The following DST variants were observed in gnomAD, a reference collection of about 807,000 sequenced individuals.
DST encodes the protein dystonin.
A neutral mutation model predicts 875.2 loss-of-function variants in DST; 253 were observed. The observed-to-expected ratio is 0.29, with a 90% CI of 0.26 to 0.32. DST has a LOEUF of 0.32. Ranked by LOEUF, DST falls within the 10% of genes least tolerant of loss-of-function variation. The pLI is 1.00. For synonymous variants in DST, 3,124 were observed against 3,197.1 expected (o/e 0.98, Z 0.77); for missense variants, 8,287 against 9,111.6 (o/e 0.91, Z 3.68).
At chr6:56,514,814 G>A (rs2096558724) in intron 72 of DST, among the ~76,000 whole-genome samples, 1 of 152,054 alleles carries the variant, frequency 6.6e-6, no homozygotes, top group Non-Finnish European at 1.5e-5. Context: ...CTGAAAAGAG[G>A]GCTTTATGTG....
intron 4 of DST, 194 bp downstream of exon 4, chr6:56,851,202 TA>T: frequency 1.7e-6 from 1 of 590,584 alleles, no homozygotes; most frequent in Non-Finnish European, 3.0e-6. Flanking sequence ...CCAAACAGCT[TA>T]GTCACCAGCA....
chr6:56,550,719 G>A (rs73455772), intron 61 of DST, among the ~76,000 whole-genome samples: 133 of 152,242 alleles, frequency 8.7e-4, no homozygotes, highest in African/African-American at 3.1e-3. Flanking sequence ...AAATCATAAT[G>A]TTTCACAATT....
At chr6:56,933,056 T>G (rs1811142729) in intron 2 of DST, among the ~76,000 whole-genome samples, 4 of 152,046 alleles carry the variant, frequency 2.6e-5, no homozygotes, top group African/African-American at 7.2e-5. Context: ...CCGAACAGCA[T>G]GTAGACCTCA....
chr6:56,591,827 G>A (rs1366384957), intron 49 of DST, among the ~76,000 whole-genome samples: 1 of 151,634 alleles, frequency 6.6e-6, no homozygotes. Context: ...ACAAAAATTA[G>A]CGCCTGTAGT....
chr6:56,721,106 GC>G (rs1164205828), intron 5 of DST, among the ~76,000 whole-genome samples: 2 of 148,178 alleles, frequency 1.3e-5, no homozygotes, highest in Admixed American at 6.7e-5. Flanking sequence ...GGGCGGGGGC[GC>G]CCCCCCACCT....
intron 87 of DST, 117 bp from the exon 88 acceptor site, chr6:56,485,588 G>A: frequency 5.2e-6 from 5 of 954,382 alleles, no homozygotes; most frequent in South Asian, 3.6e-5. Context: ...GCAGTATGTT[G>A]GTATTCATTG....
At chr6:56,636,719 C>T (rs891159869) in intron 22 of DST, 67 bp from the exon 23 acceptor site, 68 of 1,245,526 alleles carry the variant, frequency 5.5e-5, no homozygotes, top group Admixed American at 1.0e-4. Context: ...CTTTTGATAT[C>T]GATGCTTCTA....
At chr6:56,724,254 A>G (rs1421956116) in intron 5 of DST, among the ~76,000 whole-genome samples, 1 of 152,238 alleles carries the variant, frequency 6.6e-6, no homozygotes, top group Admixed American at 6.5e-5. Flanking sequence ...ATTAAAACCC[A>G]TTAACTAGGA....
chr6:56,880,934 G>A (rs1320215119), intron 3 of DST, among the ~76,000 whole-genome samples: 3 of 124,020 alleles, frequency 2.4e-5, no homozygotes, highest in Non-Finnish European at 3.2e-5. Flanking sequence ...TGAAAGCTCC[G>A]CCTCCTGGGT....
chr6:56,508,655 T>C lies in DST; in HGVS notation c.19113A>G (p.Ala6371=). The C allele has an allele frequency of 6.2e-7, 1 of 1,613,916 alleles. No individual in the cohort carries two copies. The highest frequency in any genetic ancestry group is 8.5e-7 in the Non-Finnish European group (1 of 1,179,804). Residue 6371 remains alanine (A), a synonymous_variant, in exon 75 of 104, where the codon GCA becomes GCG. Coordinates refer to ENST00000680361, the MANE Select transcript of DST (RefSeq NM_001374736.1). ...ACATGTGATCACACCAGAACTTTTC[T>C]GCTAGCTCCATCACATCCAGTAGTT... ...EAKLLDVMEL[A]EKFWCDHMSL...
At chr6:56,560,224 A>C (rs2097515054) in intron 58 of DST, 70 bp downstream of exon 58, 7 of 1,362,546 alleles carry the variant, frequency 5.1e-6, no homozygotes, top group Non-Finnish European at 5.8e-6. Context: ...TTTTCTGATA[A>C]AGATCATGAT....
At chr6:56,754,684 A>G (rs930816383) in intron 4 of DST, among the ~76,000 whole-genome samples, 1 of 152,158 alleles carries the variant, frequency 6.6e-6, no homozygotes. Flanking sequence ...AAACAAATCA[A>G]CTCTTAAAAA....
At chr6:56,890,281 T>G (rs558891612) in intron 3 of DST, among the ~76,000 whole-genome samples, 1 of 152,322 alleles carries the variant, frequency 6.6e-6, no homozygotes, top group African/African-American at 2.4e-5. Context: ...GCCCATGTAT[T>G]GTCAATGAGG....
chr6:56,862,328 G>A (rs1204320308), intron 3 of DST, among the ~76,000 whole-genome samples: 5 of 152,108 alleles, frequency 3.3e-5, no homozygotes, highest in Non-Finnish European at 7.4e-5. Context: ...TTTCTTGCTT[G>A]TTGCCACCTT....
In DST at chr6:56,572,952, T is replaced by C. The variant is rs771468508; in HGVS notation, c.13349A>G (p.Lys4450Arg). The C allele has an allele frequency of 3.1e-6, 5 of 1,612,772 alleles. No homozygotes were observed. In the East Asian group the frequency reaches 6.7e-5, roughly 22 times the overall value. Residue 4450 changes from lysine to arginine, a missense_variant, in exon 52 of 104, where the codon AAA becomes AGA. By Grantham distance (26) the Lys-to-Arg change is conservative (BLOSUM62 2). This residue lies in a region of DST where 1,513 missense variants were observed against 1,677.8 expected (regional missense o/e 0.90). Coordinates refer to ENST00000680361, the MANE Select transcript of DST (RefSeq NM_001374736.1). ...DPSTASSLQA[K>R]MKDLSARFSE... ...AAACCGAGCAGACAAGTCTTTCATTTTGGCTTGCAGTGAGGATGCAGTGGA... is the reference window on the plus strand; with the variant it reads ...AAACCGAGCAGACAAGTCTTTCATTCTGGCTTGCAGTGAGGATGCAGTGGA...
At chr6:56,636,269 AACACAC>A (rs10551196) in intron 23 of DST, among the ~76,000 whole-genome samples, 2,416 of 146,602 alleles carry the variant, frequency 0.016, 61 homozygotes, top group African/African-American at 0.057. Flanking sequence ...CACACACACA[AACACAC>A]ACACACACAC....
intron 4 of DST, among the ~76,000 whole-genome samples, chr6:56,820,818 T>A (rs1026349619): frequency 1.2e-4 from 19 of 152,048 alleles, no homozygotes; most frequent in African/African-American, 4.3e-4. Flanking sequence ...AAAAAAAGGA[T>A]GACAAATCTA....
intron 4 of DST, among the ~76,000 whole-genome samples, chr6:56,762,202 A>G (rs1216257501): frequency 2.0e-5 from 3 of 152,088 alleles, no homozygotes; most frequent in African/African-American, 4.8e-5. Flanking sequence ...TTGTATTTTT[A>G]GTAGAAACAG....
intron 89 of DST, chr6:56,482,436 T>G: frequency 1.9e-6 from 1 of 528,486 alleles, no homozygotes. Context: ...CAGTCCATCA[T>G]ACTTCCAAGC....
Sources: gnomAD v4.1 joint callset for allele counts (sites outside exome capture counted in the v4.1 genomes callset) on GRCh38, gnomAD v4.1.1 for gene constraint, gnomAD v4.1.1 regional missense constraint, MANE v1.5 for transcripts, NCBI Gene and HGNC (gene_info 2026-07-23, HGNC 2026-07-21) for gene names.